IKBKE: variants seen among roughly 807,000 people sequenced by gnomAD.
The protein encoded by IKBKE is inhibitor of nuclear factor kappa B kinase subunit epsilon.
A neutral mutation model predicts 92.1 loss-of-function variants in IKBKE; 45 were observed. The ratio of observed to expected loss-of-function variants is 0.49; its 90% CI spans 0.38 to 0.63. The LOEUF (loss-of-function observed/expected upper bound fraction) is 0.63. Among genes scored for constraint, IKBKE ranks in the 20% least tolerant of loss-of-function variants. The pLI, the probability that IKBKE is intolerant of heterozygous loss-of-function variation, is 0.00. For missense variants in IKBKE, 700 were observed against 932.8 expected, an observed-to-expected ratio of 0.75 and a Z score of 3.25; for synonymous variants, 374 against 380.3, an observed-to-expected ratio of 0.98 and a Z score of 0.19.
In IKBKE at chr1:206,487,806, G is replaced by A; in HGVS notation, c.1617-108G>A. ...ACTCCCAGACTGATCCCCCAAAACT[G>A]TGGCTGTGAGGCTCCTCCCCTATTC... On this transcript the variant is annotated intron_variant, in intron 15 of 21. Coordinates refer to ENST00000581977, the MANE Select transcript of IKBKE (RefSeq NM_014002.4). This position sits in a 1 kb window ranked among gnomAD's most constrained non-coding sequence, Gnocchi z 5.3. The A allele has an allele frequency of 2.5e-6, 2 of 814,896 alleles. No homozygotes were observed. Among genetic ancestry groups the A allele is most frequent in the Non-Finnish European group, 4.1e-6 (2 of 491,914 alleles). The allele number at this position is 814,896 out of a possible 1,614,324, so 50.5% of individuals were successfully genotyped here.
chr1:206,490,668 C>T lies in IKBKE; in HGVS notation c.1694-151C>T, dbSNP rs1233925532. 1 of 753,792 alleles carries T rather than the reference C, an allele frequency of 1.3e-6. No individual in the cohort carries two copies. Among genetic ancestry groups the T allele is most frequent in the East Asian group, 2.6e-5 (1 of 38,676 alleles). The allele number at this position is 753,792 out of a possible 1,614,324, so 46.7% of individuals were successfully genotyped here. A position where few individuals can be genotyped will look rare whatever the true frequency, so the allele number is the denominator to read the frequency against. ...CAGCTATTCCGGTGCTAGCTTCACT[C>T]CTCTGCCCCTCCTGCTCCGCTGGGC... On this transcript the variant is annotated intron_variant, in intron 16 of 21. Transcript: ENST00000581977. The surrounding 1 kb of genome is among the most constrained non-coding windows in gnomAD (Gnocchi z 5.2).
chr1:206,479,787 G>T, intron 10 of IKBKE, 83 bp from the exon 11 acceptor site: 2 of 1,387,708 alleles, frequency 1.4e-6, no homozygotes, highest in Non-Finnish European at 2.0e-6. Flanking sequence ...GCAGTGAGGG[G>T]TGAGTGTGAG....
rs1553386245 is a variant in IKBKE at position 206,478,992 on chromosome 1, C to T, written c.1042C>T (p.Arg348Ter). 3 of 1,614,170 alleles carry T rather than the reference C, an allele frequency of 1.9e-6. No homozygotes were observed. The highest frequency in any genetic ancestry group is 2.5e-6 in the Non-Finnish European group (3 of 1,180,036). Reference protein sequence around the residue: ...AVHKQTSVAPRHQEYLFEGHL... With the variant: ...AVHKQTSVAP ...GCACAAGCAGACCAGTGTGGCCCCC[C>T]GACACCAGGAGTACCTCTTTGAGGG... Residue 348 changes from arginine to a stop codon, truncating the protein, a stop_gained, in exon 10 of 22, where the codon CGA becomes TGA. Transcript: ENST00000581977. LOFTEE classifies it high-confidence loss of function. This position sits in a 1 kb window ranked among gnomAD's most constrained non-coding sequence, Gnocchi z 4.8.
chr1:206,490,848 A>T lies in IKBKE; in HGVS notation c.1723A>T (p.Lys575Ter). The change falls in exon 17 of 22, where the codon AAG becomes TAG. Residue 575 changes from lysine to a stop codon, truncating the protein, a stop_gained. Transcript: ENST00000581977. LOFTEE classifies it high-confidence loss of function. This position sits in a 1 kb window ranked among gnomAD's most constrained non-coding sequence, Gnocchi z 5.2. Reference protein sequence around the residue: ...GLGYNEEQIHKLDKVNFSHLA... With the variant: ...GLGYNEEQIH ...TGGCTACAACGAGGAGCAGATTCAC[A>T]AGCTGGATAAGTGAGTGGCCTGTCC... 3 of 1,614,142 alleles carry T rather than the reference A, an allele frequency of 1.9e-6. No individual in the cohort carries two copies. Among genetic ancestry groups the T allele is most frequent in the Non-Finnish European group, 2.5e-6 (3 of 1,179,996 alleles).
rs11117948 is a variant in IKBKE at position 206,478,008 on chromosome 1, G to A, written c.812+149G>A. ...CACTTTCCCATCTGGTTGCTGGAACGAGTTCTTCCAGCTCTTCCTCCCCAA... is the reference window on the plus strand; with the variant it reads ...CACTTTCCCATCTGGTTGCTGGAACAAGTTCTTCCAGCTCTTCCTCCCCAA... On this transcript the variant is annotated intron_variant, in intron 8 of 21. Transcript: ENST00000581977. The surrounding 1 kb of genome is among the most constrained non-coding windows in gnomAD (Gnocchi z 4.8). The A allele has an allele frequency of 0.094, 77,335 of 824,628 alleles. 6,203 individuals carry two copies. The highest frequency in any genetic ancestry group is 0.34 in the African/African-American group (20,105 of 58,384). 51.1% of individuals were successfully genotyped at this position (824,628 alleles called of 1,614,324 possible). A position where few individuals can be genotyped will look rare whatever the true frequency, so the allele number is the denominator to read the frequency against.
rs782217870 is a variant in IKBKE at position 206,480,077 on chromosome 1, G to C, written c.1304G>C (p.Gly435Ala). 3.1e-6 allele frequency: 5 copies of C among 1,597,886 alleles called. No individual in the cohort carries two copies. The South Asian group carries it at 3.4e-5, about 11-fold the overall frequency. ...ALRLARALLD[G>A]QELMFRGLHW... ...CGGCTGGCACGGGCCCTGCTGGATGGGCAGGAGCTAATGTTTCGGGGGCTG... is the reference window on the plus strand; with the variant it reads ...CGGCTGGCACGGGCCCTGCTGGATGCGCAGGAGCTAATGTTTCGGGGGCTG... The change falls in exon 12 of 22, where the codon GGG (glycine) becomes GCG (alanine). Residue 435 changes from glycine (G) to alanine (A), a missense_variant. Physicochemically the swap from Gly to Ala is moderately conservative, Grantham distance 60. Coordinates refer to ENST00000581977, the MANE Select transcript of IKBKE (RefSeq NM_014002.4).
chr1:206,480,623 C>T lies in IKBKE; in HGVS notation c.1427+90C>T, dbSNP rs1665330917. Reference sequence around the variant, plus strand: ...TACTTCCAACAATGCACCTCTTCTCCCCCAAGCCAGGGCTACTGCCTTCCC... The same window carrying T: ...TACTTCCAACAATGCACCTCTTCTCTCCCAAGCCAGGGCTACTGCCTTCCC... On this transcript the variant is annotated intron_variant, in intron 13 of 21. Transcript: ENST00000581977. 6 of 788,568 alleles carry T rather than the reference C, an allele frequency of 7.6e-6. No homozygotes were observed. In the South Asian group the frequency reaches 9.0e-5, roughly 12 times the overall value. 48.8% of individuals were successfully genotyped at this position (788,568 alleles called of 1,614,324 possible).
chr1:206,471,681 G>T (rs1366625135), intron 2 of IKBKE, among the ~76,000 whole-genome samples: 1 of 152,174 alleles, frequency 6.6e-6, no homozygotes, highest in Non-Finnish European at 1.5e-5. Context: ...GAGCTACTGT[G>T]TTGTCTTCAG....
At chr1:206,483,870 C>T (rs969615294) in intron 13 of IKBKE, among the ~76,000 whole-genome samples, 6 of 152,174 alleles carry the variant, frequency 3.9e-5, no homozygotes, top group Non-Finnish European at 7.4e-5. Flanking sequence ...AGAGCTTCCC[C>T]TTGAAGTTGT....
At position 206,476,831 on chromosome 1, in the gene IKBKE, G is replaced by A; in HGVS notation, c.694G>A (p.Glu232Lys). 2 of 1,614,244 alleles carry A rather than the reference G, an allele frequency of 1.2e-6. No homozygotes were observed. Among genetic ancestry groups the A allele is most frequent in the Non-Finnish European group, 1.7e-6 (2 of 1,180,036 alleles). Residue 232 changes from glutamate to lysine, a missense_variant, in exon 7 of 22, where the codon GAG (glutamate) becomes AAG (lysine). Physicochemically the swap from Glu to Lys is moderately conservative, Grantham distance 56. Coordinates refer to ENST00000581977, the MANE Select transcript of IKBKE (RefSeq NM_014002.4). The surrounding 1 kb of genome is among the most constrained non-coding windows in gnomAD (Gnocchi z 5.1). ...IPFGGPRRNK[E>K]IMYRITTEKP... ...CTTTGGTGGGCCACGGCGGAACAAG[G>A]AGATCATGTACGGTGGGCCACAGGG...
chr1:206,477,351 A>G (rs1212547935), intron 7 of IKBKE, among the ~76,000 whole-genome samples: 2 of 152,078 alleles, frequency 1.3e-5, no homozygotes, highest in African/African-American at 4.8e-5. Flanking sequence ...GCTGTGTGGA[A>G]CCTATATCAG....
At chr1:206,491,145 A>G in intron 17 of IKBKE, 1 of 507,786 alleles carries the variant, frequency 2.0e-6, no homozygotes, top group Non-Finnish European at 3.5e-6. Context: ...TGCACCACTT[A>G]CCACTTCCTG....
chr1:206,475,140 A>C (rs1664990882), intron 5 of IKBKE, 146 bp downstream of exon 5: 2 of 832,470 alleles, frequency 2.4e-6, no homozygotes, highest in East Asian at 2.7e-5. Flanking sequence ...ATTGTACACC[A>C]ATGTTCACAG....
chr1:206,480,189 G>A, intron 12 of IKBKE, 76 bp downstream of exon 12: 1 of 471,000 alleles, frequency 2.1e-6, no homozygotes, highest in Non-Finnish European at 3.4e-6. Context: ...GGAGTGGGCA[G>A]GAAGGGGAGA....
intron 15 of IKBKE, among the ~76,000 whole-genome samples, chr1:206,486,655 A>ATCC (rs1665678956): frequency 2.7e-5 from 4 of 148,454 alleles, no homozygotes; most frequent in African/African-American, 1.0e-4. Context: ...AAGGCTGCAG[A>ATCC]TCCCAGGCTC....
At chr1:206,494,592 C>CTG (rs1666126121) in intron 21 of IKBKE, among the ~76,000 whole-genome samples, 20 of 63,906 alleles carry the variant, frequency 3.1e-4, no homozygotes, top group South Asian at 6.3e-4. Context: ...AAAGTTCTTT[C>CTG]TTTTTTTTTT....
intron 18 of IKBKE, chr1:206,492,573 C>T (rs781983451): frequency 2.1e-6 from 1 of 472,014 alleles, no homozygotes; most frequent in Non-Finnish European, 4.4e-6. Flanking sequence ...CCTCCAACCC[C>T]TGATTTAACA....
intron 18 of IKBKE, chr1:206,492,681 T>C (rs1553390810): frequency 1.9e-6 from 1 of 514,798 alleles, no homozygotes; most frequent in African/African-American, 1.9e-5. Flanking sequence ...TTCCCCACAC[T>C]GAGAGCCCTG....
chr1:206,475,573 A>T, intron 5 of IKBKE, among the ~76,000 whole-genome samples: 1 of 151,912 alleles, frequency 6.6e-6, no homozygotes, highest in East Asian at 1.9e-4. Context: ...TGTCTCTACT[A>T]AAAAAATACA....
Sources: allele counts gnomAD v4.1 joint callset (sites outside exome capture counted in the v4.1 genomes callset), GRCh38; gene constraint gnomAD v4.1.1; non-coding constraint Gnocchi (gnomAD v3.1); transcripts MANE v1.5; gene names NCBI Gene and HGNC (gene_info 2026-07-23, HGNC 2026-07-21).